UMAD1: variants seen among roughly 807,000 people sequenced by gnomAD.
The protein encoded by UMAD1 is UBAP1-MVB12-associated (UMA)-domain containing protein 1.
UMAD1 carries 8 observed loss-of-function variants against 6.1 expected under a neutral mutation model. That is an observed-to-expected ratio of 1.30 (90% CI 0.76 to 2.35). The LOEUF (loss-of-function observed/expected upper bound fraction) is 2.35, where lower values mean the gene tolerates loss of function less well. Ranked by LOEUF, UMAD1 falls within the 30% of genes most tolerant of loss-of-function variation. The probability of loss-of-function intolerance (pLI) is 0.00; values close to 1 mark genes in which losing one functional copy is unlikely to be tolerated. For missense variants in UMAD1, 130 were observed against 78.4 expected, an observed-to-expected ratio of 1.66 and a Z score of -2.49; for synonymous variants, 56 against 31.4, an observed-to-expected ratio of 1.78 and a Z score of -2.61.
chr7:7,858,417 TGTTGG>T (rs1225554456), intron 3 of UMAD1, among the ~76,000 whole-genome samples: 31 of 152,216 alleles, frequency 2.0e-4, no homozygotes, highest in Non-Finnish European at 3.8e-4. Flanking sequence ...ACAAAAGCTC[TGTTGG>T]GCTGTAAGCA....
chr7:7,655,151 T>G (rs943061979), intron 1 of UMAD1, among the ~76,000 whole-genome samples: 3 of 152,054 alleles, frequency 2.0e-5, no homozygotes, highest in Non-Finnish European at 2.9e-5. Flanking sequence ...TAGCTGGCAG[T>G]TGAGATTATC....
At chr7:7,849,754 G>C (rs1034676109) in intron 3 of UMAD1, among the ~76,000 whole-genome samples, 1 of 151,996 alleles carries the variant, frequency 6.6e-6, no homozygotes, top group Non-Finnish European at 1.5e-5. Flanking sequence ...ACCATGGTAA[G>C]TACAGCAAAT....
At chr7:7,678,151 G>C (rs1282685507) in intron 2 of UMAD1, among the ~76,000 whole-genome samples, 1 of 148,944 alleles carries the variant, frequency 6.7e-6, no homozygotes, top group Non-Finnish European at 1.5e-5. Flanking sequence ...TAGTTTTTTT[G>C]AGGAATCTCC....
chr7:7,788,274 T>A (rs113509321), intron 2 of UMAD1, among the ~76,000 whole-genome samples: 2 of 152,334 alleles, frequency 1.3e-5, no homozygotes, highest in African/African-American at 4.8e-5. Context: ...TTGAGGTAGT[T>A]GTGTTGAAGC....
At chr7:7,799,790 T>G (rs1024223368) in intron 2 of UMAD1, among the ~76,000 whole-genome samples, 4 of 152,214 alleles carry the variant, frequency 2.6e-5, no homozygotes, top group Non-Finnish European at 5.9e-5. Flanking sequence ...TCCCTCACTT[T>G]CAGACATAGG....
chr7:7,665,175 C>T (rs1322279705), intron 1 of UMAD1, among the ~76,000 whole-genome samples: 2 of 152,110 alleles, frequency 1.3e-5, no homozygotes, highest in African/African-American at 4.8e-5. Context: ...ACCATGTTGC[C>T]TAATCCTTTT....
At chr7:7,654,898 G>C (rs1344969685) in intron 1 of UMAD1, among the ~76,000 whole-genome samples, 1 of 55,214 alleles carries the variant, frequency 1.8e-5, no homozygotes, top group East Asian at 7.1e-4. Context: ...GTAAGACTCT[G>C]TCTCAAAAAA....
At chr7:7,786,138 C>T (rs557482038) in intron 2 of UMAD1, among the ~76,000 whole-genome samples, 30 of 152,262 alleles carry the variant, frequency 2.0e-4, no homozygotes, top group East Asian at 7.7e-4. Flanking sequence ...CCTACATTTA[C>T]GTTTTGTCCC....
intron 2 of UMAD1, among the ~76,000 whole-genome samples, chr7:7,720,074 G>A (rs898709843): frequency 6.6e-6 from 1 of 152,126 alleles, no homozygotes; most frequent in African/African-American, 2.4e-5. Flanking sequence ...GAAAATGTAT[G>A]TCATTTTTGG....
At chr7:7,717,196 A>G (rs1729004588) in intron 2 of UMAD1, among the ~76,000 whole-genome samples, 1 of 151,526 alleles carries the variant, frequency 6.6e-6, no homozygotes, top group Non-Finnish European at 1.5e-5. Flanking sequence ...AGCTGGGACT[A>G]CCGGTATGCG....
chr7:7,803,418 G>A (rs1782841279), intron 3 of UMAD1, among the ~76,000 whole-genome samples: 1 of 152,204 alleles, frequency 6.6e-6, no homozygotes, highest in South Asian at 2.1e-4. Flanking sequence ...AAGGCTCCCA[G>A]CCTGGGCAGC....
chr7:7,663,236 T>C (rs1011282601), intron 1 of UMAD1, among the ~76,000 whole-genome samples: 2 of 151,466 alleles, frequency 1.3e-5, no homozygotes, highest in Non-Finnish European at 2.9e-5. Flanking sequence ...CACTCAAGGG[T>C]TGGAACTTGC....
At chr7:7,728,999 C>G (rs1158136367) in intron 2 of UMAD1, among the ~76,000 whole-genome samples, 1 of 152,132 alleles carries the variant, frequency 6.6e-6, no homozygotes, top group Admixed American at 6.5e-5. Flanking sequence ...CTACAATGTT[C>G]ATAAGTGGTA....
intron 2 of UMAD1, among the ~76,000 whole-genome samples, chr7:7,729,141 C>A: frequency 6.6e-6 from 1 of 152,258 alleles, no homozygotes; most frequent in Non-Finnish European, 1.5e-5. Flanking sequence ...ACTGAGGGAA[C>A]AGCAATGTTT....
At chr7:7,708,917 G>T (rs534516557) in intron 2 of UMAD1, among the ~76,000 whole-genome samples, 1 of 152,042 alleles carries the variant, frequency 6.6e-6, no homozygotes, top group East Asian at 1.9e-4. Flanking sequence ...GTGTGTTTGT[G>T]TTTGTGTGTC....
chr7:7,674,523 G>A (rs1354916962), intron 2 of UMAD1, among the ~76,000 whole-genome samples: 1 of 152,216 alleles, frequency 6.6e-6, no homozygotes, highest in African/African-American at 2.4e-5. Context: ...AGGAGCAGTA[G>A]CTGGGAGGTT....
chr7:7,646,480 AT>A (rs35948027), intron 1 of UMAD1, among the ~76,000 whole-genome samples: 2,543 of 111,240 alleles, frequency 0.023, 67 homozygotes, highest in African/African-American at 0.077. Flanking sequence ...CTTTCGCTGG[AT>A]TTTTTTTTTT....
At chr7:7,767,250 G>A (rs1782006547) in intron 2 of UMAD1, among the ~76,000 whole-genome samples, 1 of 151,086 alleles carries the variant, frequency 6.6e-6, no homozygotes, top group Non-Finnish European at 1.5e-5. Flanking sequence ...TCAGCCTCCT[G>A]AGTAGCTGGG....
chr7:7,744,922 A>G (rs1334619902), intron 2 of UMAD1, among the ~76,000 whole-genome samples: 2 of 152,184 alleles, frequency 1.3e-5, no homozygotes, highest in East Asian at 3.9e-4. Context: ...AGGGGCACTG[A>G]CCCCTGTGCA....
Sources: allele counts gnomAD v4.1 joint callset (sites outside exome capture counted in the v4.1 genomes callset), GRCh38; gene constraint gnomAD v4.1.1; transcripts MANE v1.5; gene names NCBI Gene and HGNC (gene_info 2026-07-23, HGNC 2026-07-21).